The following DNAJC1 variants were observed in gnomAD, a reference collection of about 807,000 sequenced individuals.
The protein encoded by DNAJC1 is DnaJ heat shock protein family (Hsp40) member C1.
A neutral mutation model predicts 76.6 loss-of-function variants in DNAJC1; 58 were observed. That is an observed-to-expected ratio of 0.76 (90% confidence interval 0.61 to 0.94). The LOEUF is 0.94. Ranked by LOEUF, DNAJC1 falls within the 40% of genes least tolerant of loss-of-function variation. The pLI, the probability that DNAJC1 is intolerant of heterozygous loss-of-function variation, is 0.00. For missense variants in DNAJC1, 689 were observed against 677.3 expected (o/e 1.02, Z -0.19); for synonymous variants, 258 against 267.9 (o/e 0.96, Z 0.36).
At chr10:21,805,439 GAC>G (rs10657199) in intron 9 of DNAJC1, among the ~76,000 whole-genome samples, 3,306 of 142,756 alleles carry the variant, frequency 0.023, 65 homozygotes, top group African/African-American at 0.054. Flanking sequence ...GTTACGTATG[GAC>G]ACACACACAC....
chr10:21,893,376 G>A (rs1164922042), intron 7 of DNAJC1, among the ~76,000 whole-genome samples: 2 of 151,934 alleles, frequency 1.3e-5, no homozygotes, highest in Non-Finnish European at 1.5e-5. Context: ...GCTGTAATTC[G>A]AGCACTTTGG....
chr10:21,890,720 T>C (rs1375039742), intron 7 of DNAJC1, among the ~76,000 whole-genome samples: 1 of 152,180 alleles, frequency 6.6e-6, no homozygotes, highest in East Asian at 1.9e-4. Context: ...ACCCCTTCCA[T>C]GGCTAGAGTA....
chr10:21,952,614 C>A (rs1191362016), intron 1 of DNAJC1, among the ~76,000 whole-genome samples: 1 of 152,124 alleles, frequency 6.6e-6, no homozygotes, highest in Non-Finnish European at 1.5e-5. Flanking sequence ...CAAAAATTAT[C>A]CAGGCATAGT....
chr10:21,960,006 C>T (rs529582387), intron 1 of DNAJC1, among the ~76,000 whole-genome samples: 97 of 152,254 alleles, frequency 6.4e-4, no homozygotes, highest in Non-Finnish European at 1.2e-3. Context: ...AACACCCTTA[C>T]CATTACCACA....
chr10:21,860,000 TCTCAAACTCCTGAC>T (rs1406697771), intron 8 of DNAJC1, among the ~76,000 whole-genome samples: 1 of 151,932 alleles, frequency 6.6e-6, no homozygotes, highest in African/African-American at 2.4e-5. Flanking sequence ...GCCAGGCTGG[TCTCAAACTCCTGAC>T]CTCAAGTGAT....
intron 1 of DNAJC1, among the ~76,000 whole-genome samples, chr10:21,936,755 A>G (rs909859448): frequency 2.6e-5 from 4 of 152,282 alleles, no homozygotes; most frequent in African/African-American, 9.6e-5. Flanking sequence ...TGTAATTCCC[A>G]TGGCAAAAAC....
intron 1 of DNAJC1, among the ~76,000 whole-genome samples, chr10:21,959,164 A>G (rs1400711068): frequency 6.6e-6 from 1 of 151,994 alleles, no homozygotes; most frequent in East Asian, 1.9e-4. Context: ...TCGCTCGGTT[A>G]CCTAGGCTAG....
chr10:21,954,514 C>T (rs923408113), intron 1 of DNAJC1, among the ~76,000 whole-genome samples: 4 of 152,020 alleles, frequency 2.6e-5, no homozygotes, highest in African/African-American at 7.3e-5. Flanking sequence ...TCGCCCCAAA[C>T]GTAATTTTTC....
chr10:21,986,159 G>A (rs942688550), intron 1 of DNAJC1, among the ~76,000 whole-genome samples: 32 of 152,064 alleles, frequency 2.1e-4, no homozygotes, highest in African/African-American at 5.1e-4. Flanking sequence ...CCCGGGAGGC[G>A]GAGCTTGCAG....
chr10:21,766,090 C>T (rs1260669205), intron 10 of DNAJC1, among the ~76,000 whole-genome samples, 171 bp downstream of exon 10: 1 of 152,178 alleles, frequency 6.6e-6, no homozygotes, highest in Non-Finnish European at 1.5e-5. Flanking sequence ...ATGTGCAGGG[C>T]TGGACTGGCT....
At chr10:21,834,749 G>T (rs1461217317) in intron 8 of DNAJC1, among the ~76,000 whole-genome samples, 1 of 152,218 alleles carries the variant, frequency 6.6e-6, no homozygotes, top group African/African-American at 2.4e-5. Context: ...AGATCAAACT[G>T]CAAGGTGGCA....
intron 8 of DNAJC1, among the ~76,000 whole-genome samples, chr10:21,872,493 A>G (rs888703736): frequency 6.6e-6 from 1 of 152,206 alleles, no homozygotes; most frequent in Admixed American, 6.5e-5. Context: ...TTAAAGGGCA[A>G]ATAGAAATTC....
intron 7 of DNAJC1, among the ~76,000 whole-genome samples, chr10:21,898,027 A>C (rs1836572609): frequency 6.6e-6 from 1 of 152,234 alleles, no homozygotes; most frequent in African/African-American, 2.4e-5. Context: ...GCAAGTTAGC[A>C]AAACAAATAT....
Position 21,983,352 on chromosome 10 carries a change from A to T in DNAJC1, c.222+19861T>A, listed in dbSNP as rs186654491. ...AGACATTATGAAGACAAGTGAAATA[A>T]GCCAGACACAAAAGGGCAAATATTA... On this transcript the variant is annotated intron_variant, in intron 1 of 11. Transcript: ENST00000376980. 5.3e-5 allele frequency among the ~76,000 whole-genome samples: 8 copies of T among 152,364 alleles called. No homozygotes were observed. In the East Asian group the frequency reaches 1.3e-3, roughly 26 times the overall value.
At chr10:21,850,532 T>C (rs1300747015) in intron 8 of DNAJC1, among the ~76,000 whole-genome samples, 1 of 150,438 alleles carries the variant, frequency 6.6e-6, no homozygotes, top group Non-Finnish European at 1.5e-5. Context: ...AATTTTCTTT[T>C]CTTTTTTTTT....
chr10:21,840,660 G>C (rs1835560590), intron 8 of DNAJC1, among the ~76,000 whole-genome samples: 1 of 152,164 alleles, frequency 6.6e-6, no homozygotes, highest in South Asian at 2.1e-4. Flanking sequence ...TCAATATCGT[G>C]AAAATGGCCA....
intron 8 of DNAJC1, among the ~76,000 whole-genome samples, chr10:21,873,217 A>G (rs1460681751): frequency 6.6e-6 from 1 of 152,138 alleles, no homozygotes; most frequent in Non-Finnish European, 1.5e-5. Flanking sequence ...TGGAGACGTG[A>G]GCCCGCCAAT....
At chr10:21,880,376 G>A (rs1836254766) in intron 8 of DNAJC1, among the ~76,000 whole-genome samples, 1 of 152,084 alleles carries the variant, frequency 6.6e-6, no homozygotes, top group South Asian at 2.1e-4. Flanking sequence ...ATCCTTCCCA[G>A]AAAGTTTTCA....
chr10:21,957,029 T>A (rs1837699428), intron 1 of DNAJC1, among the ~76,000 whole-genome samples: 1 of 151,588 alleles, frequency 6.6e-6, no homozygotes, highest in South Asian at 2.1e-4. Context: ...GGAACTGGGA[T>A]TACAGGTACC....
Sources: allele counts gnomAD v4.1 joint callset (sites outside exome capture counted in the v4.1 genomes callset), GRCh38; gene constraint gnomAD v4.1.1; transcripts MANE v1.5; gene names NCBI Gene and HGNC (gene_info 2026-07-23, HGNC 2026-07-21).